The following SLC9A9 variants were observed in gnomAD, a reference collection of about 807,000 sequenced individuals.
SLC9A9 encodes the protein solute carrier family 9 member A9, also known as sodium/hydrogen exchanger 9.
A neutral mutation model predicts 77.8 loss-of-function variants in SLC9A9; 62 were observed. The observed-to-expected ratio is 0.80, with a 90% CI of 0.65 to 0.98. The LOEUF is 0.98. SLC9A9 is among the 50% of genes least tolerant of loss of function. The pLI is 0.00. For synonymous variants in SLC9A9, 320 were observed against 283.5 expected (o/e 1.13, Z -1.29); for missense variants, 775 against 774.9 (o/e 1.00, Z 0.00).
At position 143,268,967 on chromosome 3, in the gene SLC9A9, T is replaced by C. The variant is rs16853300; in HGVS notation, c.1618A>G (p.Ile540Val). The change falls in exon 15 of 16, where the codon ATT becomes GTT. Residue 540 changes from isoleucine to valine, a missense_variant. Ile to Val is a conservative substitution (Grantham distance 29). Transcript: ENST00000316549. ...AGCGGAGGACCAGAGTGGGTTAAAA[T>C]TGGTTTCAGATACCTGGGAGGCCTG... Reference protein sequence around the residue: ...YSFDHKYLKPILTHSGPPLTT... With the variant: ...YSFDHKYLKPVLTHSGPPLTT... The C allele has an allele frequency of 1.3e-3, 2,175 of 1,613,280 alleles. 25 individuals are homozygous for C. The African/African-American group carries it at 0.026, about 19-fold the overall frequency.
chr3:143,586,797 T>C (rs114266506), intron 6 of SLC9A9, among the ~76,000 whole-genome samples: 181 of 152,300 alleles, frequency 1.2e-3, no homozygotes, highest in African/African-American at 4.2e-3. Context: ...ACTTCAGAAA[T>C]TGGGGGCATT....
intron 6 of SLC9A9, among the ~76,000 whole-genome samples, chr3:143,591,512 T>G (rs1207884783): frequency 6.6e-6 from 1 of 151,796 alleles, no homozygotes; most frequent in Non-Finnish European, 1.5e-5. Flanking sequence ...TGGTATTAGC[T>G]CTTCAGGACA....
chr3:143,369,870 G>A (rs1487987618), intron 13 of SLC9A9, among the ~76,000 whole-genome samples: 1 of 152,172 alleles, frequency 6.6e-6, no homozygotes, highest in Non-Finnish European at 1.5e-5. Context: ...GCCCTGTTGT[G>A]AGGACGCTCA....
chr3:143,804,080 C>A (rs1417547375), intron 2 of SLC9A9, among the ~76,000 whole-genome samples: 1 of 152,146 alleles, frequency 6.6e-6, no homozygotes, highest in East Asian at 1.9e-4. Flanking sequence ...CAGCAAAGAC[C>A]CACTGGAATT....
intron 5 of SLC9A9, among the ~76,000 whole-genome samples, chr3:143,686,988 T>G (rs12495630): frequency 0.43 from 65,508 of 151,928 alleles, 14,308 homozygotes; most frequent in South Asian, 0.6. Context: ...CCTGCCATTT[T>G]CCATATACTG....
chr3:143,322,439 C>T (rs1296573221), intron 14 of SLC9A9, among the ~76,000 whole-genome samples: 1 of 152,182 alleles, frequency 6.6e-6, no homozygotes, highest in East Asian at 1.9e-4. Flanking sequence ...GACTGAGCAA[C>T]ACCATTGGCT....
intron 12 of SLC9A9, among the ~76,000 whole-genome samples, chr3:143,431,961 T>A (rs1394834337): frequency 6.6e-6 from 1 of 152,178 alleles, no homozygotes; most frequent in African/African-American, 2.4e-5. Flanking sequence ...ACTCAAGAGA[T>A]AACTTCTCAG....
chr3:143,483,880 C>T (rs2035612082), intron 11 of SLC9A9, among the ~76,000 whole-genome samples: 1 of 152,120 alleles, frequency 6.6e-6, no homozygotes, highest in East Asian at 1.9e-4. Flanking sequence ...AAACCTGAGC[C>T]AAGCCCAGCT....
intron 4 of SLC9A9, among the ~76,000 whole-genome samples, chr3:143,771,816 A>G (rs2007527556): frequency 6.6e-6 from 1 of 152,050 alleles, no homozygotes; most frequent in Non-Finnish European, 1.5e-5. Flanking sequence ...GAAGCAGAGG[A>G]CTTCACCTCC....
At chr3:143,527,661 G>T (rs187966115) in intron 9 of SLC9A9, among the ~76,000 whole-genome samples, 1 of 152,112 alleles carries the variant, frequency 6.6e-6, no homozygotes, top group Non-Finnish European at 1.5e-5. Context: ...CCTGTCTACC[G>T]AAGGAAAGCC....
rs1347178578 is a variant in SLC9A9 at position 143,796,906 on chromosome 3, G to C, written c.379-3C>G. The C allele has an allele frequency of 6.2e-7, 1 of 1,609,498 alleles. No individual in the cohort carries two copies. Among genetic ancestry groups the C allele is most frequent in the Non-Finnish European group, 8.5e-7 (1 of 1,176,844 alleles). ...AAGATTTCTGGATCAAATGTCATCT[G>C]CCAGAAAGGAAAAAAAGGATAGTTA... On this transcript the variant is annotated splice_polypyrimidine_tract_variant and splice_region_variant and intron_variant, in intron 2 of 15. Transcript: ENST00000316549.
chr3:143,641,768 C>T (rs1223896024), intron 6 of SLC9A9, among the ~76,000 whole-genome samples: 3 of 152,136 alleles, frequency 2.0e-5, no homozygotes, highest in African/African-American at 7.2e-5. Flanking sequence ...TTGCATTGCT[C>T]TAATAAACAG....
intron 12 of SLC9A9, among the ~76,000 whole-genome samples, chr3:143,402,710 C>T (rs1279913989): frequency 6.6e-6 from 1 of 151,302 alleles, no homozygotes; most frequent in Non-Finnish European, 1.5e-5. Flanking sequence ...TGTATCTTTT[C>T]CCATCCCCTT....
At chr3:143,782,072 A>G (rs145380960) in intron 4 of SLC9A9, among the ~76,000 whole-genome samples, 414 of 152,350 alleles carry the variant, frequency 2.7e-3, no homozygotes, top group African/African-American at 9.6e-3. Flanking sequence ...TATTCTACCA[A>G]TTATCTTCTT....
chr3:143,684,223 T>G (rs554673609), intron 5 of SLC9A9, among the ~76,000 whole-genome samples: 1 of 152,170 alleles, frequency 6.6e-6, no homozygotes, highest in South Asian at 2.1e-4. Flanking sequence ...CCTTTTATAT[T>G]GTGAAGCATC....
chr3:143,662,111 C>G (rs1026100331), intron 5 of SLC9A9, among the ~76,000 whole-genome samples: 2 of 152,090 alleles, frequency 1.3e-5, no homozygotes, highest in African/African-American at 4.8e-5. Context: ...TATTAAGAGG[C>G]AAGCCACATT....
intron 1 of SLC9A9, among the ~76,000 whole-genome samples, chr3:143,836,730 G>C (rs186614171): frequency 1.3e-5 from 2 of 152,116 alleles, no homozygotes; most frequent in African/African-American, 4.8e-5. Context: ...GAAAATAAGA[G>C]AAAACTCCAG....
chr3:143,380,983 TCTC>T (rs1221101132), intron 13 of SLC9A9, among the ~76,000 whole-genome samples: 1 of 152,232 alleles, frequency 6.6e-6, no homozygotes. Context: ...TTTATGATAT[TCTC>T]CTATTATATC....
chr3:143,372,755 T>G (rs138643504), intron 13 of SLC9A9, among the ~76,000 whole-genome samples: 2,401 of 151,922 alleles, frequency 0.016, 30 homozygotes, highest in South Asian at 0.072. Context: ...CTCAAACGGA[T>G]CAAGAAAAAT....
Sources: allele counts gnomAD v4.1 joint callset (sites outside exome capture counted in the v4.1 genomes callset), GRCh38; gene constraint gnomAD v4.1.1; transcripts MANE v1.5; gene names NCBI Gene and HGNC (gene_info 2026-07-23, HGNC 2026-07-21).